Variants in PLBD1 observed in about 807,000 individuals in gnomAD.
PLBD1 encodes the protein lysosomal leucine aminopeptidase.
PLBD1 carries 60 observed loss-of-function variants against 63.0 expected under a neutral mutation model. That is an observed-to-expected ratio of 0.95 (90% CI 0.77 to 1.18). The LOEUF (loss-of-function observed/expected upper bound fraction) is 1.18, where lower values mean the gene tolerates loss of function less well. Among genes scored for constraint, PLBD1 ranks in the 50% most tolerant of loss-of-function variants. PLBD1 has a pLI of 0.00. For synonymous variants in PLBD1, 262 were observed against 248.0 expected, an observed-to-expected ratio of 1.06 and a Z score of -0.53; for missense variants, 598 against 677.9, an observed-to-expected ratio of 0.88 and a Z score of 1.31.
chr12:14,542,247 G>A lies in PLBD1; in HGVS notation c.380C>T (p.Thr127Met), dbSNP rs146676731. ...HYTNLYPQLITKPSIMDKVQD... is the reference protein window; with the variant it reads ...HYTNLYPQLIMKPSIMDKVQD... ...CACTTTATCCATGATGGAAGGTTTCGTGATCAGCTGTGGGTAGAGGTTTGT... is the reference window on the plus strand; with the variant it reads ...CACTTTATCCATGATGGAAGGTTTCATGATCAGCTGTGGGTAGAGGTTTGT... Residue 127 changes from threonine to methionine, a missense_variant, in exon 3 of 11, where the codon ACG (threonine) becomes ATG (methionine). Thr to Met is a moderately conservative substitution (Grantham distance 81). Coordinates refer to ENST00000240617, the MANE Select transcript of PLBD1 (RefSeq NM_024829.6). The A allele has an allele frequency of 6.6e-5, 107 of 1,610,886 alleles. No homozygotes were observed. The highest frequency in any genetic ancestry group is 8.4e-5 in the Non-Finnish European group (99 of 1,177,190).
At chr12:14,529,603 T>C (rs1357524718) in intron 6 of PLBD1, among the ~76,000 whole-genome samples, 4 of 152,190 alleles carry the variant, frequency 2.6e-5, no homozygotes, top group African/African-American at 9.7e-5. Flanking sequence ...TTAAAGAAAG[T>C]AGGAAGAGCA....
intron 2 of PLBD1, among the ~76,000 whole-genome samples, chr12:14,551,319 C>T (rs1397932782): frequency 5.3e-5 from 8 of 149,876 alleles, no homozygotes; most frequent in African/African-American, 1.7e-4. Context: ...GCCGAGATTG[C>T]GCCACTGCAC....
intron 1 of PLBD1, 48 bp downstream of exon 1, chr12:14,567,534 C>T (rs1945801311): frequency 2.7e-6 from 4 of 1,455,984 alleles, no homozygotes; most frequent in Non-Finnish European, 3.6e-6. Context: ...CTAACAGGCT[C>T]CTAGGAGCCT....
At chr12:14,540,013 C>CTTAATTATATATATATATATAT (rs1555147086) in intron 4 of PLBD1, among the ~76,000 whole-genome samples, 1 of 22,780 alleles carries the variant, frequency 4.4e-5, no homozygotes, top group Non-Finnish European at 1.1e-4. Context: ...AAGCTATGCA[C>CTTAATTATATATATATATATAT]ATATATATAT....
At chr12:14,538,058 TA>T (rs1338970112) in intron 4 of PLBD1, among the ~76,000 whole-genome samples, 2 of 152,088 alleles carry the variant, frequency 1.3e-5, no homozygotes, top group African/African-American at 2.4e-5. Context: ...TTTAAAAACA[TA>T]CATGGTAGTG....
At chr12:14,567,559 C>A (rs1013170740) in intron 1 of PLBD1, 23 bp downstream of exon 1, 5 of 1,480,724 alleles carry the variant, frequency 3.4e-6, no homozygotes, top group African/African-American at 1.5e-5. Flanking sequence ...GGGCGCCCCC[C>A]GCCCAGGGCG....
At position 14,564,159 on chromosome 12, in the gene PLBD1, T is replaced by C. The variant is rs11056030; in HGVS notation, c.115+3423A>G. ...ACTCTGAGGCTGCAATGAGCTATGATCGTACCATTGTACTCCAGCCTGGGT... is the reference window on the plus strand; with the variant it reads ...ACTCTGAGGCTGCAATGAGCTATGACCGTACCATTGTACTCCAGCCTGGGT... On this transcript the variant is annotated intron_variant, in intron 1 of 10. Transcript: ENST00000240617. 1.5e-3 allele frequency among the ~76,000 whole-genome samples: 232 copies of C among 152,160 alleles called. 2 individuals are homozygous for C. In the South Asian group the frequency reaches 0.02, roughly 13 times the overall value.
chr12:14,524,696 T>C (rs1945403689), intron 6 of PLBD1, among the ~76,000 whole-genome samples: 1 of 152,152 alleles, frequency 6.6e-6, no homozygotes, highest in Admixed American at 6.6e-5. Flanking sequence ...TTTGCTATAT[T>C]TGTCACCTCA....
In PLBD1 at chr12:14,548,457, CAAAAAAAAAAAAAA is replaced by C. The variant is rs56119793; in HGVS notation, c.335+4722_335+4735del. On this transcript the variant is annotated intron_variant, in intron 2 of 10. Transcript: ENST00000240617. ...GGGTAACACAGGGAGACTCCATCTC[CAAAAAAAAAAAAAA>C]AAAAAAAAAAAGAAGAAGAAGAAGA... Among the ~76,000 whole-genome samples, 457 of 68,406 alleles carry C rather than the reference CAAAAAAAAAAAAAA, an allele frequency of 6.7e-3. 6 individuals are homozygous for C. The highest frequency in any genetic ancestry group is 0.019 in the African/African-American group (358 of 18,772). 44.9% of individuals were successfully genotyped at this position (68,406 alleles called of 152,430 possible).
chr12:14,531,399 G>A (rs752977949), intron 6 of PLBD1, among the ~76,000 whole-genome samples: 4 of 152,012 alleles, frequency 2.6e-5, no homozygotes, highest in Non-Finnish European at 5.9e-5. Flanking sequence ...ATGACTTTGC[G>A]ACATCTACCA....
At chr12:14,548,163 T>G (rs1175972743) in intron 2 of PLBD1, among the ~76,000 whole-genome samples, 1 of 151,884 alleles carries the variant, frequency 6.6e-6, no homozygotes, top group African/African-American at 2.4e-5. Context: ...TCATTAGAAA[T>G]TTTTGAGGGT....
chr12:14,513,731 T>C (rs1037496723), intron 6 of PLBD1, among the ~76,000 whole-genome samples: 2 of 152,194 alleles, frequency 1.3e-5, no homozygotes, highest in African/African-American at 4.8e-5. Flanking sequence ...TCTTGAAATT[T>C]CTTGAGTAGG....
intron 2 of PLBD1, among the ~76,000 whole-genome samples, chr12:14,550,243 G>A (rs1421873101): frequency 1.3e-5 from 2 of 152,192 alleles, no homozygotes; most frequent in African/African-American, 2.4e-5. Context: ...GCTAGCAAGA[G>A]TGAACCAGCT....
intron 2 of PLBD1, among the ~76,000 whole-genome samples, chr12:14,548,120 AT>A (rs1429138035): frequency 6.6e-6 from 1 of 152,156 alleles, no homozygotes; most frequent in Non-Finnish European, 1.5e-5. Flanking sequence ...TTTATGGTCA[AT>A]TTTAAGTTAC....
chr12:14,514,803 G>A (rs1300334084), intron 6 of PLBD1, among the ~76,000 whole-genome samples: 1 of 151,434 alleles, frequency 6.6e-6, no homozygotes, highest in East Asian at 1.9e-4. Flanking sequence ...GAGCTTTAGA[G>A]TTCAAGGGAT....
At chr12:14,534,742 C>T (rs1181351513) in intron 6 of PLBD1, among the ~76,000 whole-genome samples, 1 of 152,130 alleles carries the variant, frequency 6.6e-6, no homozygotes, top group Non-Finnish European at 1.5e-5. Flanking sequence ...ACAGGGTTCA[C>T]TGTGTTAGCC....
At chr12:14,544,231 C>T (rs915051380) in intron 2 of PLBD1, among the ~76,000 whole-genome samples, 5 of 152,128 alleles carry the variant, frequency 3.3e-5, no homozygotes, top group Admixed American at 1.3e-4. Context: ...TGGAGGGCTG[C>T]GGTGCGATCT....
chr12:14,562,668 C>G (rs766359370), intron 1 of PLBD1, among the ~76,000 whole-genome samples: 1 of 152,148 alleles, frequency 6.6e-6, no homozygotes, highest in Admixed American at 6.5e-5. Flanking sequence ...GCTGGATGTT[C>G]GAAAGATTGT....
chr12:14,534,103 G>C (rs762525143), intron 6 of PLBD1, among the ~76,000 whole-genome samples: 1 of 152,164 alleles, frequency 6.6e-6, no homozygotes, highest in Non-Finnish European at 1.5e-5. Context: ...GGCTAACATT[G>C]TACCGCTACA....
Sources: allele counts gnomAD v4.1 joint callset (sites outside exome capture counted in the v4.1 genomes callset), GRCh38; gene constraint gnomAD v4.1.1; transcripts MANE v1.5; gene names NCBI Gene and HGNC (gene_info 2026-07-23, HGNC 2026-07-21).